Variants in DOCK1 observed in about 807,000 individuals in gnomAD.
The protein encoded by DOCK1 is dedicator of cytokinesis 1.
In DOCK1, 138 loss-of-function variants were observed where a neutral mutation model predicts 262.7. That is an observed-to-expected ratio of 0.53 (90% confidence interval 0.46 to 0.61). The LOEUF (loss-of-function observed/expected upper bound fraction) is 0.61, where lower values mean the gene tolerates loss of function less well. Among genes scored for constraint, DOCK1 ranks in the 20% least tolerant of loss-of-function variants. DOCK1 has a pLI of 0.00. For missense variants in DOCK1, 1,908 were observed against 2,370.7 expected (o/e 0.80, Z 4.05); for synonymous variants, 866 against 867.4 (o/e 1.00, Z 0.03).
At chr10:127,294,061 G>A (rs566006225) in intron 29 of DOCK1, among the ~76,000 whole-genome samples, 12 of 152,252 alleles carry the variant, frequency 7.9e-5, no homozygotes, top group Admixed American at 3.3e-4. Flanking sequence ...GCTCGCCCAC[G>A]TTACCCTCCA....
At chr10:127,200,595 G>C (rs1361860007) in intron 27 of DOCK1, among the ~76,000 whole-genome samples, 1 of 152,056 alleles carries the variant, frequency 6.6e-6, no homozygotes, top group Non-Finnish European at 1.5e-5. Flanking sequence ...GTAGAAATGA[G>C]GTTTCACCAT....
intron 27 of DOCK1, among the ~76,000 whole-genome samples, chr10:127,205,933 C>A (rs1466827128): frequency 6.6e-6 from 1 of 152,064 alleles, no homozygotes; most frequent in Non-Finnish European, 1.5e-5. Context: ...GGGTATAATG[C>A]ACTTTAAGCA....
At chr10:127,312,222 C>G (rs1017798347) in intron 29 of DOCK1, among the ~76,000 whole-genome samples, 1 of 152,194 alleles carries the variant, frequency 6.6e-6, no homozygotes, top group Non-Finnish European at 1.5e-5. Flanking sequence ...ATTAAACTTG[C>G]AGGTTTGCAG....
rs1309237439 is a variant in DOCK1 at position 126,987,687 on chromosome 10, T to A, written c.324+70T>A. 3.1e-6 allele frequency: 4 copies of A among 1,309,860 alleles called. No individual in the cohort carries two copies. The African/African-American group carries it at 6.0e-5, about 20-fold the overall frequency. 81.1% of individuals were successfully genotyped at this position (1,309,860 alleles called of 1,614,324 possible). ...GGCTTTTTTGACCCTGATATGCCAATGGGATGTTTTTTTTTCTCAGCGAAA... is the reference window on the plus strand; with the variant it reads ...GGCTTTTTTGACCCTGATATGCCAAAGGGATGTTTTTTTTTCTCAGCGAAA... On this transcript the variant is annotated intron_variant, in intron 5 of 51. Transcript: ENST00000623213.
At chr10:127,251,747 T>C (rs2059653380) in intron 28 of DOCK1, among the ~76,000 whole-genome samples, 1 of 149,888 alleles carries the variant, frequency 6.7e-6, no homozygotes, top group South Asian at 2.2e-4. Flanking sequence ...TTCCATGGTG[T>C]ATATGTGCCA....
chr10:127,195,697 C>T (rs1350061325), intron 27 of DOCK1, among the ~76,000 whole-genome samples: 2 of 152,222 alleles, frequency 1.3e-5, no homozygotes, highest in Non-Finnish European at 1.5e-5. Flanking sequence ...GAACCCACAT[C>T]GCAGAGGCGC....
chr10:127,199,260 C>G (rs1349744431), intron 27 of DOCK1, among the ~76,000 whole-genome samples: 1 of 152,142 alleles, frequency 6.6e-6, no homozygotes, highest in African/African-American at 2.4e-5. Flanking sequence ...ATCCACGTCT[C>G]TCTTCTTTTG....
At chr10:127,109,360 A>G (rs1027560365) in intron 24 of DOCK1, among the ~76,000 whole-genome samples, 6 of 152,224 alleles carry the variant, frequency 3.9e-5, no homozygotes, top group African/African-American at 1.4e-4. Flanking sequence ...CTTTTGTAAA[A>G]GTGTATTTTT....
intron 10 of DOCK1, among the ~76,000 whole-genome samples, chr10:127,006,737 A>G (rs1436573225): frequency 2.6e-5 from 4 of 152,144 alleles, no homozygotes; most frequent in South Asian, 2.1e-4. Context: ...GCCTTCCTGC[A>G]CATGGTCCTG....
chr10:127,146,067 C>G (rs753106569), intron 27 of DOCK1: 1 of 516,722 alleles, frequency 1.9e-6, no homozygotes, highest in Non-Finnish European at 3.9e-6. Flanking sequence ...GCCAGGACTG[C>G]GTCCCGTATT....
chr10:127,315,742 G>A (rs2062248161), intron 29 of DOCK1, among the ~76,000 whole-genome samples: 1 of 152,086 alleles, frequency 6.6e-6, no homozygotes, highest in East Asian at 1.9e-4. Context: ...TCTCTCTGTC[G>A]CCCAGGCTGC....
chr10:127,169,747 G>A (rs1292311018), intron 27 of DOCK1, among the ~76,000 whole-genome samples: 2 of 152,166 alleles, frequency 1.3e-5, no homozygotes, highest in South Asian at 2.1e-4. Flanking sequence ...CTGACCCTGA[G>A]CCCCTGCAGT....
rs528851154 is a variant in DOCK1 at position 127,164,372 on chromosome 10, G to A, written c.2847+36608G>A. ...CTAATTTTTGTATTTTTGTAGACAC[G>A]GGATTTCACCATGTTGGCCAGGCTG... On this transcript the variant is annotated intron_variant, in intron 27 of 51. Coordinates refer to ENST00000623213, the MANE Select transcript of DOCK1 (RefSeq NM_001290223.2). 4.0e-3 allele frequency among the ~76,000 whole-genome samples: 613 copies of A among 151,718 alleles called. 1 individual carries two copies. Among genetic ancestry groups the A allele is most frequent in the Admixed American group, 7.1e-3 (109 of 15,246 alleles).
intron 1 of DOCK1, among the ~76,000 whole-genome samples, chr10:126,921,438 C>T (rs758441862): frequency 6.6e-6 from 1 of 152,118 alleles, no homozygotes; most frequent in Non-Finnish European, 1.5e-5. Context: ...AAGCCAGTCA[C>T]AGAGGGACAT....
At position 127,121,569 on chromosome 10, in the gene DOCK1, C is replaced by T. The variant is rs114713890; in HGVS notation, c.2624-3905C>T. On this transcript the variant is annotated intron_variant, in intron 25 of 51. Transcript: ENST00000623213. ...CTATCTTAAGACAAAATTCAAGAGT[C>T]TTACTGTTACTTAAAACGTGTACTC... Among the ~76,000 whole-genome samples the T allele has an allele frequency of 2.7e-3, 405 of 151,958 alleles. 4 individuals carry two copies. The highest frequency in any genetic ancestry group is 9.2e-3 in the African/African-American group (383 of 41,436).
At chr10:127,304,809 G>C (rs2061814720) in intron 29 of DOCK1, among the ~76,000 whole-genome samples, 1 of 152,114 alleles carries the variant, frequency 6.6e-6, no homozygotes, top group African/African-American at 2.4e-5. Flanking sequence ...TTGAGCCCAA[G>C]AGTTCAAGAT....
chr10:127,327,561 C>A (rs916784456), intron 29 of DOCK1, among the ~76,000 whole-genome samples: 1 of 152,188 alleles, frequency 6.6e-6, no homozygotes, highest in Non-Finnish European at 1.5e-5. Context: ...ATCTTCTATT[C>A]ACACCACTGA....
intron 27 of DOCK1, among the ~76,000 whole-genome samples, chr10:127,205,925 G>A (rs1210993906): frequency 6.6e-6 from 1 of 152,076 alleles, no homozygotes; most frequent in African/African-American, 2.4e-5. Flanking sequence ...TCATCTATGG[G>A]TATAATGCAC....
chr10:127,338,618 G>C (rs2063297801), intron 29 of DOCK1, among the ~76,000 whole-genome samples: 1 of 152,138 alleles, frequency 6.6e-6, no homozygotes, highest in Non-Finnish European at 1.5e-5. Context: ...CTTTCAACTG[G>C]GTAGCTTGAA....
Sources: allele counts gnomAD v4.1 joint callset (sites outside exome capture counted in the v4.1 genomes callset), GRCh38; gene constraint gnomAD v4.1.1; transcripts MANE v1.5; gene names NCBI Gene and HGNC (gene_info 2026-07-23, HGNC 2026-07-21).